RTN1: variants seen among roughly 807,000 people sequenced by gnomAD.
RTN1 encodes reticulon-1.
A neutral mutation model predicts 65.5 loss-of-function variants in RTN1; 25 were observed. That is an observed-to-expected ratio of 0.38 (90% CI 0.28 to 0.53). The LOEUF (loss-of-function observed/expected upper bound fraction) is 0.53, where lower values mean the gene tolerates loss of function less well. Ranked by LOEUF, RTN1 falls within the 20% of genes least tolerant of loss-of-function variation. The pLI is 0.79. For synonymous variants in RTN1, 471 were observed against 447.6 expected, an observed-to-expected ratio of 1.05 and a Z score of -0.66; for missense variants, 983 against 1,025.4, an observed-to-expected ratio of 0.96 and a Z score of 0.57.
chr14:59,675,446 G>GA (rs948345179), intron 3 of RTN1, among the ~76,000 whole-genome samples: 7 of 35,610 alleles, frequency 2.0e-4, no homozygotes, highest in African/African-American at 3.4e-4. Flanking sequence ...ATAGGACTTG[G>GA]GGGGGGGGCG....
chr14:59,643,433 T>C (rs1426310204), intron 3 of RTN1, among the ~76,000 whole-genome samples: 1 of 152,202 alleles, frequency 6.6e-6, no homozygotes, highest in African/African-American at 2.4e-5. Context: ...TTGGTCAGGC[T>C]GGTCTCGGAC....
chr14:59,716,829 G>A (rs565798372), intron 3 of RTN1, among the ~76,000 whole-genome samples: 6 of 151,702 alleles, frequency 4.0e-5, no homozygotes, highest in South Asian at 4.2e-4. Context: ...TTAGCCAGGC[G>A]TGGTGGTGGA....
In RTN1 at chr14:59,870,230, A is replaced by T. The variant is rs1887871318; in HGVS notation, c.241+160T>A. 6.6e-6 allele frequency among the ~76,000 whole-genome samples: 1 copy of T among 152,246 alleles called. No individual in the cohort carries two copies. The highest frequency in any genetic ancestry group is 2.1e-4 in the South Asian group (1 of 4,834). ...AAAAATAAAATTGTTGTTTTCTACC[A>T]GCCCGCGAATATTCCCAGTCGCCCG... On this transcript the variant is annotated intron_variant, in intron 1 of 8. Coordinates refer to ENST00000267484, the MANE Select transcript of RTN1 (RefSeq NM_021136.3). This position sits in a 1 kb window ranked among gnomAD's most constrained non-coding sequence, Gnocchi z 5.1.
chr14:59,702,042 C>G (rs1047256709), intron 3 of RTN1, among the ~76,000 whole-genome samples: 2 of 152,074 alleles, frequency 1.3e-5, no homozygotes, highest in African/African-American at 4.8e-5. Flanking sequence ...AATTGAGATC[C>G]TGAGGCTCCT....
At chr14:59,682,541 C>T (rs2182140) in intron 3 of RTN1, among the ~76,000 whole-genome samples, 113,473 of 152,060 alleles carry the variant, frequency 0.75, 42,610 homozygotes, top group African/African-American at 0.79. Flanking sequence ...AAGTAGATGC[C>T]TAATAAATGT....
At position 59,802,204 on chromosome 14, in the gene RTN1, G is replaced by T. The variant is rs139385461; in HGVS notation, c.242-55723C>A. On this transcript the variant is annotated intron_variant, in intron 1 of 8. Transcript: ENST00000267484. ...GTCATAAAAATGTAATTGAAACCTA[G>T]ATAAAAAGAACTGTGACTTCTTCAG... Among the ~76,000 whole-genome samples, 84 of 152,316 alleles carry T rather than the reference G, an allele frequency of 5.5e-4. No individual in the cohort carries two copies. In the East Asian group the frequency reaches 9.3e-3, roughly 17 times the overall value.
intron 3 of RTN1, among the ~76,000 whole-genome samples, chr14:59,686,826 C>T (rs1471007727): frequency 6.6e-6 from 1 of 152,170 alleles, no homozygotes; most frequent in Non-Finnish European, 1.5e-5. Flanking sequence ...GGAAAAGCTG[C>T]AGACATTTTC....
intron 3 of RTN1, among the ~76,000 whole-genome samples, chr14:59,705,172 TGCCACAG>T (rs1437839720): frequency 2.6e-5 from 4 of 152,178 alleles, no homozygotes; most frequent in Non-Finnish European, 5.9e-5. Flanking sequence ...CCATGCAGGC[TGCCACAG>T]GCTCCCAGGA....
intron 1 of RTN1, among the ~76,000 whole-genome samples, chr14:59,823,929 G>A (rs1320539489): frequency 6.6e-6 from 1 of 152,124 alleles, no homozygotes; most frequent in Non-Finnish European, 1.5e-5. Context: ...ATCTTTACAC[G>A]ATCCAGTATT....
At chr14:59,867,227 T>C (rs1309645714) in intron 1 of RTN1, among the ~76,000 whole-genome samples, 1 of 152,250 alleles carries the variant, frequency 6.6e-6, no homozygotes, top group Admixed American at 6.5e-5. Context: ...CTTTTGTTAT[T>C]GTATGCTCCT....
At chr14:59,860,592 G>C (rs570804935) in intron 1 of RTN1, among the ~76,000 whole-genome samples, 1 of 152,150 alleles carries the variant, frequency 6.6e-6, no homozygotes, top group East Asian at 1.9e-4. Context: ...TAGATCCATC[G>C]ACAGCTTGCA....
At chr14:59,679,167 CAT>C (rs1268849191) in intron 3 of RTN1, among the ~76,000 whole-genome samples, 3 of 152,298 alleles carry the variant, frequency 2.0e-5, no homozygotes, top group South Asian at 4.1e-4. Flanking sequence ...TGAGTATTAT[CAT>C]GTGTAATTGT....
chr14:59,749,196 ATC>A (rs1885310435), intron 1 of RTN1, among the ~76,000 whole-genome samples: 4 of 100,356 alleles, frequency 4.0e-5, no homozygotes, highest in African/African-American at 5.6e-5. Flanking sequence ...ATCTATATAT[ATC>A]TATATATATA....
chr14:59,614,339 G>T (rs1882046063), intron 3 of RTN1, among the ~76,000 whole-genome samples: 1 of 151,942 alleles, frequency 6.6e-6, no homozygotes, highest in African/African-American at 2.4e-5. Context: ...CCACCCTGAA[G>T]CCAGTCATCC....
chr14:59,684,114 C>G (rs1186176791), intron 3 of RTN1, among the ~76,000 whole-genome samples: 1 of 151,902 alleles, frequency 6.6e-6, no homozygotes, highest in African/African-American at 2.4e-5. Flanking sequence ...TAGAATAAGG[C>G]TTTTTAAAAG....
At chr14:59,815,393 C>T (rs1257841876) in intron 1 of RTN1, among the ~76,000 whole-genome samples, 6 of 152,162 alleles carry the variant, frequency 3.9e-5, no homozygotes, top group Non-Finnish European at 8.8e-5. Flanking sequence ...TATCACTTCA[C>T]TGCTCATCCC....
intron 3 of RTN1, among the ~76,000 whole-genome samples, chr14:59,674,863 G>A (rs1358689753): frequency 6.6e-6 from 1 of 152,126 alleles, no homozygotes; most frequent in Non-Finnish European, 1.5e-5. Flanking sequence ...AAACTATAAT[G>A]AGGCTAGTGT....
chr14:59,701,547 A>G (rs1884178328), intron 3 of RTN1, among the ~76,000 whole-genome samples: 1 of 152,218 alleles, frequency 6.6e-6, no homozygotes, highest in African/African-American at 2.4e-5. Context: ...AAAATATTAT[A>G]TTATGCTAAG....
chr14:59,759,960 C>A (rs1885716378), intron 1 of RTN1, among the ~76,000 whole-genome samples: 1 of 152,112 alleles, frequency 6.6e-6, no homozygotes, highest in Non-Finnish European at 1.5e-5. Flanking sequence ...GAATTCCTAT[C>A]CAGATTACAA....
Sources: gnomAD v4.1 joint callset for allele counts (sites outside exome capture counted in the v4.1 genomes callset) on GRCh38, gnomAD v4.1.1 for gene constraint, Gnocchi (gnomAD v3.1) non-coding constraint, MANE v1.5 for transcripts, NCBI Gene and HGNC (gene_info 2026-07-23, HGNC 2026-07-21) for gene names.